Variants in TSPAN4 observed in about 807,000 individuals in gnomAD.
TSPAN4 encodes the protein tetraspanin 4.
In TSPAN4, 38 loss-of-function variants were observed where a neutral mutation model predicts 31.5. The observed-to-expected ratio is 1.21, with a 90% CI of 0.93 to 1.58. TSPAN4 has a LOEUF of 1.58. TSPAN4 is among the 40% of genes most tolerant of loss of function. The pLI is 0.00. For missense variants in TSPAN4, 330 were observed against 317.3 expected, an observed-to-expected ratio of 1.04 and a Z score of -0.30; for synonymous variants, 186 against 144.6, an observed-to-expected ratio of 1.29 and a Z score of -2.06.
chr11:865,592 CCTGGAGCATCATCCAGACCGACGTG>C lies in TSPAN4; in HGVS notation c.411_432+3del, dbSNP rs1289314086. Reference sequence around the variant, plus strand: ...CAGGGCAACGTGGGCCTCACCAACGCCTGGAGCATCATCCAGACCGACGTGAGGCGTGGGCAGGTGGGCGGGGTCG... The same window carrying C: ...CAGGGCAACGTGGGCCTCACCAACGCAGGCGTGGGCAGGTGGGCGGGGTCG... On this transcript the variant is annotated splice_donor_variant and splice_donor_region_variant and coding_sequence_variant and intron_variant, in exon 6 of 9. Coordinates refer to ENST00000397397, the MANE Select transcript of TSPAN4 (RefSeq NM_003271.5). LOFTEE classifies it high-confidence loss of function. 6.2e-7 allele frequency: 1 copy of C among 1,612,820 alleles called. No homozygotes were observed.
chr11:856,907 C>G (rs1393296793), intron 3 of TSPAN4: 4 of 152,264 alleles, frequency 2.6e-5, no homozygotes, highest in African/African-American at 9.6e-5. Context: ...TTATTAACCA[C>G]GTGCACGCAT....
chr11:864,398 G>T, intron 4 of TSPAN4, 39 bp from the exon 5 acceptor site: 1 of 1,608,276 alleles, frequency 6.2e-7, no homozygotes. Flanking sequence ...GAGGCTGTGC[G>T]GCCTTTCGGG....
At chr11:858,576 C>G in intron 3 of TSPAN4, 2 of 164,632 alleles carry the variant, frequency 1.2e-5, no homozygotes, top group South Asian at 1.2e-4. Context: ...CATGCACTCC[C>G]GGCTCACACG....
chr11:860,164 G>A (rs1410501171), intron 3 of TSPAN4, among the ~76,000 whole-genome samples: 2 of 152,244 alleles, frequency 1.3e-5, no homozygotes, highest in African/African-American at 4.8e-5. Context: ...GGCCGGGGAA[G>A]GACAGAGCCT....
chr11:866,455 T>A (rs1314546713), intron 8 of TSPAN4, 107 bp from the exon 9 acceptor site: 1 of 1,027,652 alleles, frequency 9.7e-7, no homozygotes, highest in Non-Finnish European at 1.4e-6. Flanking sequence ...TCGCCCACCC[T>A]GGGGTCGGGG....
intron 3 of TSPAN4, among the ~76,000 whole-genome samples, chr11:854,263 G>A (rs1459770307): frequency 6.6e-6 from 1 of 152,240 alleles, no homozygotes; most frequent in Non-Finnish European, 1.5e-5. Context: ...CGCAGCACCA[G>A]GAGCTTGGTG....
In TSPAN4 at chr11:848,660, C is replaced by G. The variant is rs1321616056; in HGVS notation, c.-18+1360C>G. 8.2e-6 allele frequency: 4 copies of G among 487,538 alleles called. No homozygotes were observed. The highest frequency in any genetic ancestry group is 1.5e-5 in the Non-Finnish European group (4 of 274,212). The allele number at this position is 487,538 out of a possible 1,614,324, so 30.2% of individuals were successfully genotyped here. A position where few individuals can be genotyped will look rare whatever the true frequency, so the allele number is the denominator to read the frequency against. On this transcript the variant is annotated intron_variant, in intron 2 of 8. Transcript: ENST00000397397. This position sits in a 1 kb window ranked among gnomAD's most constrained non-coding sequence, Gnocchi z 5.7. ...GCCCTGCCATGGAGCACCCCCTTCC[C>G]CTCCCTTAGCTTCCTCTCCCTCCTC...
chr11:850,960 A>C (rs2134002138), intron 3 of TSPAN4, among the ~76,000 whole-genome samples: 1 of 152,330 alleles, frequency 6.6e-6, no homozygotes, highest in South Asian at 2.1e-4. Context: ...TTCGCGGGAG[A>C]CACTGGCTTT....
intron 3 of TSPAN4, among the ~76,000 whole-genome samples, chr11:852,517 T>TG (rs377435914): frequency 2.3e-3 from 351 of 152,080 alleles, no homozygotes; most frequent in African/African-American, 7.7e-3. Flanking sequence ...TGGTGCCCAG[T>TG]GGGGGTCTAA....
chr11:852,302 T>G (rs559016125), intron 3 of TSPAN4, among the ~76,000 whole-genome samples: 1 of 152,178 alleles, frequency 6.6e-6, no homozygotes, highest in African/African-American at 2.4e-5. Context: ...TTTTGTATTT[T>G]TAGTAGAGAC....
intron 3 of TSPAN4, chr11:857,591 G>A (rs1023035299): frequency 6.6e-6 from 1 of 152,162 alleles, no homozygotes; most frequent in Non-Finnish European, 1.5e-5. Context: ...TTTTAGTAGA[G>A]ACGGGGTTTC....
chr11:843,939 T>C (rs1320726165), intron 1 of TSPAN4: 1 of 152,334 alleles, frequency 6.6e-6, no homozygotes, highest in Non-Finnish European at 1.5e-5. Flanking sequence ...CCAGATCCAC[T>C]GCACGCTTGG....
rs572513817 is a variant in TSPAN4 at position 843,070 on chromosome 11, G to A, written c.-118+155G>A. On this transcript the variant is annotated intron_variant, in intron 1 of 8. Transcript: ENST00000397397. ...AGTGGGGTCCGGCGCGGGGGCTCGG[G>A]GAGAGGGCGGGCGGGGGCCGGGGCG... 4.1e-4 allele frequency: 62 copies of A among 152,214 alleles called. No individual in the cohort carries two copies. In the South Asian group the frequency reaches 5.2e-3, roughly 13 times the overall value. The allele number at this position is 152,214 out of a possible 1,614,324, so 9.4% of individuals were successfully genotyped here. A position where few individuals can be genotyped will look rare whatever the true frequency, so the allele number is the denominator to read the frequency against.
At chr11:854,295 C>T (rs758451689) in intron 3 of TSPAN4, among the ~76,000 whole-genome samples, 1 of 152,176 alleles carries the variant, frequency 6.6e-6, no homozygotes, top group Non-Finnish European at 1.5e-5. Context: ...CGTCTCCGCA[C>T]TGTATGGTTA....
intron 4 of TSPAN4, chr11:862,967 G>A (rs1349411851): frequency 1.8e-6 from 1 of 558,542 alleles, no homozygotes; most frequent in Non-Finnish European, 3.2e-6. Flanking sequence ...TCACTCAAGA[G>A]AACGTGCTGT....
intron 2 of TSPAN4, among the ~76,000 whole-genome samples, chr11:849,570 G>A (rs1336080691): frequency 1.3e-5 from 2 of 152,108 alleles, no homozygotes; most frequent in Admixed American, 6.5e-5. Flanking sequence ...CCCAGGCCCC[G>A]GCCCCGGCCT....
At chr11:855,680 T>C (rs571697744) in intron 3 of TSPAN4, among the ~76,000 whole-genome samples, 3 of 152,234 alleles carry the variant, frequency 2.0e-5, no homozygotes, top group Non-Finnish European at 2.9e-5. Flanking sequence ...AGGACGTCGC[T>C]CAGGGCCCAC....
intron 3 of TSPAN4, chr11:857,472 T>G (rs1848124412): frequency 6.9e-6 from 1 of 145,086 alleles, no homozygotes; most frequent in Non-Finnish European, 1.5e-5. Flanking sequence ...GCATGATGTC[T>G]GCTCACTGCA....
At chr11:859,147 TGCACCCCGGCTCACAC>T (rs1307636919) in intron 3 of TSPAN4, among the ~76,000 whole-genome samples, 3 of 75,638 alleles carry the variant, frequency 4.0e-5, no homozygotes, top group South Asian at 1.1e-3. Flanking sequence ...TGGGCTCACA[TGCACCCCGGCTCACAC>T]GCACCCCAGG....
Sources: gnomAD v4.1 joint callset for allele counts (sites outside exome capture counted in the v4.1 genomes callset) on GRCh38, gnomAD v4.1.1 for gene constraint, Gnocchi (gnomAD v3.1) non-coding constraint, MANE v1.5 for transcripts, NCBI Gene and HGNC (gene_info 2026-07-23, HGNC 2026-07-21) for gene names.